The following SLF2 variants were observed in gnomAD, a reference collection of about 807,000 sequenced individuals.
SLF2 encodes the protein SMC5-SMC6 complex localization factor protein 2.
A neutral mutation model predicts 124.3 loss-of-function variants in SLF2; 68 were observed. That is an observed-to-expected ratio of 0.55 (90% CI 0.45 to 0.67). The LOEUF is 0.67. Among genes scored for constraint, SLF2 ranks in the 30% least tolerant of loss-of-function variants. The pLI is 0.00. For missense variants in SLF2, 1,246 were observed against 1,373.7 expected (o/e 0.91, Z 1.47); for synonymous variants, 480 against 478.8 (o/e 1.00, Z -0.03).
rs760396716 is a variant in SLF2 at position 100,950,686 on chromosome 10, T to A, written c.3263T>A (p.Leu1088Gln). Reference sequence around the variant, plus strand: ...TCATTTCTCTAACAGGCATATTACCTGACCTACATTCTTCTTCATTTAGTC... The same window carrying A: ...TCATTTCTCTAACAGGCATATTACCAGACCTACATTCTTCTTCATTTAGTC... ...HLELEKQAYYLTYILLHLVGE... is the reference protein window; with the variant it reads ...HLELEKQAYYQTYILLHLVGE... The change falls in exon 17 of 20, where the codon CTG (leucine) becomes CAG (glutamine). Residue 1088 changes from leucine (L) to glutamine (Q), a missense_variant. Physicochemically the swap from Leu to Gln is moderately radical, Grantham distance 113. Transcript: ENST00000238961. 2.5e-6 allele frequency: 4 copies of A among 1,613,494 alleles called. No individual in the cohort carries two copies. In the South Asian group the frequency reaches 4.4e-5, roughly 18 times the overall value.
rs554194644 is a variant in SLF2 at position 100,913,776 on chromosome 10, G to C, written c.140+526G>C. ...GTGTTTTCTCTTTCAGTAACTTCAC[G>C]CCTCTCCAAGAGGCTAATTTTTTTG... is the stretch of plus-strand genomic sequence containing the variant. On this transcript the variant is annotated intron_variant, in intron 1 of 19. Transcript: ENST00000238961. The C allele has an allele frequency of 3.8e-5, 37 of 986,106 alleles. No individual in the cohort carries two copies. In the African/African-American group the frequency reaches 5.2e-4, roughly 14 times the overall value. 61.1% of individuals were successfully genotyped at this position (986,106 alleles called of 1,614,324 possible).
intron 4 of SLF2, among the ~76,000 whole-genome samples, chr10:100,921,959 C>T (rs930532939): frequency 7.2e-5 from 11 of 152,190 alleles, no homozygotes; most frequent in Non-Finnish European, 1.5e-4. Flanking sequence ...TGTAAAAGAG[C>T]AGAGATAAGG....
rs59983480 is a variant in SLF2, at chr10:100,960,998, CT to C, written c.3487-850del. On this transcript the variant is annotated intron_variant, in intron 19 of 19. Transcript: ENST00000238961. ...GTGAGAACTGAGATATTCTGTACTTCTTTTTTTTTTTTTTTTTTTTTTTTTT... is the reference window on the plus strand; with the variant it reads ...GTGAGAACTGAGATATTCTGTACTTCTTTTTTTTTTTTTTTTTTTTTTTTT... 1.3e-3 allele frequency among the ~76,000 whole-genome samples: 77 copies of C among 61,404 alleles called. 3 individuals are homozygous for C. Among genetic ancestry groups the C allele is most frequent in the Admixed American group, 3.3e-3 (12 of 3,618 alleles). 40.3% of individuals were successfully genotyped at this position (61,404 alleles called of 152,430 possible).
chr10:100,914,707 C>T (rs1849383651), intron 1 of SLF2, among the ~76,000 whole-genome samples: 1 of 152,160 alleles, frequency 6.6e-6, no homozygotes, highest in Non-Finnish European at 1.5e-5. Context: ...TGCATATATT[C>T]TTCCATAGCC....
chr10:100,918,472 A>G, intron 4 of SLF2, 31 bp downstream of exon 4: 1 of 1,448,354 alleles, frequency 6.9e-7, no homozygotes, highest in South Asian at 1.2e-5. Flanking sequence ...ATGGATTTCT[A>G]AATAAATTTC....
rs537516755 is a variant in SLF2, at chr10:100,950,694, A to G, written c.3271A>G (p.Ile1091Val). 4 of 1,613,804 alleles carry G rather than the reference A, an allele frequency of 2.5e-6. No individual in the cohort carries two copies. Among genetic ancestry groups the G allele is most frequent in the Middle Eastern group, 1.7e-4 (1 of 6,044 alleles). ...CTAACAGGCATATTACCTGACCTAC[A>G]TTCTTCTTCATTTAGTCGGTGAAGT... ...LEKQAYYLTY[I>V]LLHLVGEVSC... Residue 1091 changes from isoleucine (I) to valine (V), a missense_variant, in exon 17 of 20, where the codon ATT (isoleucine) becomes GTT (valine). Ile to Val is a conservative substitution (Grantham distance 29). Around this residue, in one of 3 missense-constraint regions of SLF2, gnomAD observed 535 missense variants for 632.8 expected, o/e 0.85. Coordinates refer to ENST00000238961, the MANE Select transcript of SLF2 (RefSeq NM_018121.4).
intron 4 of SLF2, among the ~76,000 whole-genome samples, chr10:100,922,240 G>C (rs1849535031): frequency 6.6e-6 from 1 of 152,140 alleles, no homozygotes; most frequent in Non-Finnish European, 1.5e-5. Context: ...ACTGCACCCG[G>C]CTAATTTTTG....
rs1409307270 is a variant in SLF2 at position 100,962,193 on chromosome 10, A to C, written c.*281A>C. On this transcript the variant is annotated 3_prime_UTR_variant, in exon 20 of 20. Coordinates refer to ENST00000238961, the MANE Select transcript of SLF2 (RefSeq NM_018121.4). Reference sequence around the variant, plus strand: ...AAGCAGAATAATAGTCATATGTCTAACCTGCCCCAGTTAACTCCTCTTGTT... The same window carrying C: ...AAGCAGAATAATAGTCATATGTCTACCCTGCCCCAGTTAACTCCTCTTGTT... 1 of 273,680 alleles carries C rather than the reference A, an allele frequency of 3.7e-6. No homozygotes were observed. The highest frequency in any genetic ancestry group is 6.8e-6 in the Non-Finnish European group (1 of 146,886). The allele number at this position is 273,680 out of a possible 1,614,324, so 17.0% of individuals were successfully genotyped here. A position where few individuals can be genotyped will look rare whatever the true frequency, so the allele number is the denominator to read the frequency against.
chr10:100,961,231 G>A (rs1009554297), intron 19 of SLF2, among the ~76,000 whole-genome samples: 2 of 151,660 alleles, frequency 1.3e-5, no homozygotes, highest in Non-Finnish European at 2.9e-5. Flanking sequence ...AGGATGGTCT[G>A]GATCTCCTGA....
chr10:100,922,201 C>T (rs1000285395), intron 4 of SLF2, among the ~76,000 whole-genome samples: 6 of 152,292 alleles, frequency 3.9e-5, no homozygotes, highest in African/African-American at 1.4e-4. Flanking sequence ...ACCTGAGCCT[C>T]CAAGTAGGTG....
At chr10:100,961,615 A>G (rs1254649285) in intron 19 of SLF2, among the ~76,000 whole-genome samples, 1 of 152,208 alleles carries the variant, frequency 6.6e-6, no homozygotes, top group Non-Finnish European at 1.5e-5. Context: ...GCTTAACATT[A>G]TTTAATCTGC....
At chr10:100,936,470 A>G (rs1469234370) in intron 9 of SLF2, among the ~76,000 whole-genome samples, 1 of 151,980 alleles carries the variant, frequency 6.6e-6, no homozygotes, top group Non-Finnish European at 1.5e-5. Context: ...AGTAGCTGGG[A>G]CTACAGGAAC....
intron 5 of SLF2, among the ~76,000 whole-genome samples, chr10:100,925,370 C>T (rs558695489): frequency 1.3e-5 from 2 of 152,162 alleles, no homozygotes; most frequent in Non-Finnish European, 2.9e-5. Context: ...CTAAGTTCTA[C>T]TGGAGTCTCT....
intron 2 of SLF2, 34 bp downstream of exon 2, chr10:100,916,076 A>C: frequency 6.3e-7 from 1 of 1,576,186 alleles, no homozygotes. Context: ...TTTGTGGGCT[A>C]TTTTGGGGGT....
At position 100,929,860 on chromosome 10, in the gene SLF2, T is replaced by G; in HGVS notation, c.2196T>G (p.Ile732Met). The G allele has an allele frequency of 3.2e-6, 5 of 1,579,680 alleles. No homozygotes were observed. Among genetic ancestry groups the G allele is most frequent in the Non-Finnish European group, 4.3e-6 (5 of 1,170,660 alleles). The change falls in exon 8 of 20, where the codon ATT becomes ATG. Residue 732 changes from isoleucine to methionine, a missense_variant. Ile to Met is a conservative substitution (Grantham distance 10). This residue lies in a region of SLF2 where 535 missense variants were observed against 632.8 expected (regional missense o/e 0.85). Transcript: ENST00000238961. ...TTCTAAAGAAATTTTCAGTTACAAT[T>G]GATGCTATTCCTGATCATCATCCAG... ...KEFLKKFSVT[I>M]DAIPDHHPGE...
At chr10:100,938,788 T>C (rs1176988443) in intron 11 of SLF2, 52 bp downstream of exon 11, 5 of 1,439,068 alleles carry the variant, frequency 3.5e-6, no homozygotes, top group Non-Finnish European at 3.7e-6. Context: ...GTACGACTTA[T>C]ATATAATTAT....
At position 100,913,248 on chromosome 10, in the gene SLF2, C is replaced by T; in HGVS notation, c.138C>T (p.Asp46=). 6.2e-7 allele frequency: 1 copy of T among 1,605,004 alleles called. No individual in the cohort carries two copies. The highest frequency in any genetic ancestry group is 8.5e-7 in the Non-Finnish European group (1 of 1,175,924). ...GAAAGAGAACAGAGAGTCCTGGGGA[C>T]AGGTACCGTGCAGAGGGCTTGAGAA... ...AAGKRTESPG[D]RKQSIIDFFK... Residue 46 remains aspartate, a splice_region_variant and synonymous_variant, in exon 1 of 20, where the codon GAC becomes GAT. Transcript: ENST00000238961.
intron 11 of SLF2, among the ~76,000 whole-genome samples, chr10:100,943,127 G>C (rs1335430984): frequency 6.6e-6 from 1 of 152,204 alleles, no homozygotes; most frequent in Admixed American, 6.5e-5. Flanking sequence ...TCCTCTAGGA[G>C]TCACAATATT....
At chr10:100,937,162 C>T (rs1178564376) in intron 9 of SLF2, among the ~76,000 whole-genome samples, 2 of 152,088 alleles carry the variant, frequency 1.3e-5, no homozygotes, top group Non-Finnish European at 2.9e-5. Context: ...AGGTGTGCGC[C>T]ACCACACCTG....
Sources: gnomAD v4.1 joint callset for allele counts (sites outside exome capture counted in the v4.1 genomes callset) on GRCh38, gnomAD v4.1.1 for gene constraint, gnomAD v4.1.1 regional missense constraint, MANE v1.5 for transcripts, NCBI Gene and HGNC (gene_info 2026-07-23, HGNC 2026-07-21) for gene names.